The following NFATC1 variants were observed in gnomAD, a reference collection of about 807,000 sequenced individuals.
NFATC1 encodes the protein nuclear factor of activated T cells 1.
A neutral mutation model predicts 76.0 loss-of-function variants in NFATC1; 22 were observed. That is an observed-to-expected ratio of 0.29 (90% CI 0.21 to 0.41). NFATC1 has a LOEUF of 0.41. Ranked by LOEUF, NFATC1 falls within the 10% of genes least tolerant of loss-of-function variation. The pLI, the probability that NFATC1 is intolerant of heterozygous loss-of-function variation, is 1.00. For synonymous variants in NFATC1, 704 were observed against 613.1 expected (o/e 1.15, Z -2.19); for missense variants, 1,357 against 1,337.7 (o/e 1.01, Z -0.23).
intron 9 of NFATC1, among the ~76,000 whole-genome samples, chr18:79,520,640 C>CCA (rs2090507120): frequency 3.1e-5 from 1 of 32,354 alleles, no homozygotes; most frequent in Non-Finnish European, 5.2e-5. Context: ...ATGTGTGTGT[C>CCA]TGTGTGTCGG....
At chr18:79,469,604 C>A in intron 8 of NFATC1, 1 of 986,018 alleles carries the variant, frequency 1.0e-6, no homozygotes, top group Non-Finnish European at 1.2e-6. Flanking sequence ...GTGGACATCT[C>A]TCCTGCACCC....
At chr18:79,418,781 T>C (rs926117726) in intron 2 of NFATC1, among the ~76,000 whole-genome samples, 3 of 152,224 alleles carry the variant, frequency 2.0e-5, no homozygotes, top group African/African-American at 4.8e-5. Context: ...TCTGCTGTTA[T>C]GGAGTTCACA....
rs1369477489 is a variant in NFATC1, at chr18:79,486,608, C to T, written c.2453C>T (p.Pro818Leu). Reference sequence around the variant, plus strand: ...CACCCCGGCTCGCCCGGGCAGCCACCCCCGGCCCTGCTGCCACAGCAGGTG... The same window carrying T: ...CACCCCGGCTCGCCCGGGCAGCCACTCCCGGCCCTGCTGCCACAGCAGGTG... ...ATHPGSPGQP[P>L]PALLPQQVSA... Residue 818 changes from proline (P) to leucine (L), a missense_variant, in exon 9 of 10, where the codon CCC becomes CTC. Around this residue, in one of 3 missense-constraint regions of NFATC1, gnomAD observed 424 missense variants for 395.4 expected, o/e 1.07. Transcript: ENST00000427363. 3.8e-6 allele frequency: 6 copies of T among 1,595,464 alleles called. No individual in the cohort carries two copies. The highest frequency in any genetic ancestry group is 2.2e-5 in the South Asian group (2 of 90,202).
At chr18:79,450,109 G>T (rs989560254) in intron 4 of NFATC1, among the ~76,000 whole-genome samples, 5 of 152,222 alleles carry the variant, frequency 3.3e-5, no homozygotes, top group Admixed American at 1.3e-4. Context: ...ATGTGGGGCA[G>T]AAAGGGTGGC....
chr18:79,406,023 C>T (rs547049333), intron 1 of NFATC1, among the ~76,000 whole-genome samples: 69 of 152,264 alleles, frequency 4.5e-4, no homozygotes, highest in Admixed American at 1.2e-3. Context: ...TTTCCTGCCC[C>T]GTTTCATCTA....
chr18:79,476,927 G>A (rs904847747), intron 8 of NFATC1, among the ~76,000 whole-genome samples: 1 of 152,224 alleles, frequency 6.6e-6, no homozygotes, highest in Non-Finnish European at 1.5e-5. Context: ...AGAAACTCCA[G>A]TGAAGAGTCG....
At chr18:79,398,360 C>A (rs540219406) in intron 1 of NFATC1, among the ~76,000 whole-genome samples, 1 of 152,380 alleles carries the variant, frequency 6.6e-6, no homozygotes, top group East Asian at 1.9e-4. Context: ...AGGGCGCTGG[C>A]ACCCCGCTTC....
chr18:79,493,889 C>T (rs1183689788), intron 9 of NFATC1: 3 of 152,254 alleles, frequency 2.0e-5, no homozygotes, highest in African/African-American at 7.2e-5. Context: ...CACCGCACGC[C>T]ACCCGGAGAC....
At chr18:79,487,742 G>A (rs995098665) in intron 9 of NFATC1, among the ~76,000 whole-genome samples, 2 of 152,180 alleles carry the variant, frequency 1.3e-5, no homozygotes, top group East Asian at 1.9e-4. Context: ...TGATCGGGGC[G>A]TGCCCGTGGC....
At chr18:79,399,500 C>G (rs1568906146) in intron 1 of NFATC1, among the ~76,000 whole-genome samples, 1 of 152,230 alleles carries the variant, frequency 6.6e-6, no homozygotes, top group South Asian at 2.1e-4. Context: ...GCGGAGAGCC[C>G]GGGGGAAGTT....
intron 9 of NFATC1, among the ~76,000 whole-genome samples, chr18:79,520,740 GTGTC>G (rs1260371014): frequency 8.3e-5 from 7 of 84,392 alleles, no homozygotes; most frequent in Non-Finnish European, 1.6e-4. Context: ...ACTGATGTGT[GTGTC>G]TGTGTGTGTA....
intron 2 of NFATC1, 66 bp from the exon 3 acceptor site, chr18:79,433,513 G>C: frequency 6.3e-7 from 1 of 1,595,576 alleles, no homozygotes; most frequent in Admixed American, 1.7e-5. Flanking sequence ...GGGTGAGCAC[G>C]GGCACGTGTG....
In NFATC1 at chr18:79,490,678, C is replaced by T. The variant is rs139942922; in HGVS notation, c.2782+3741C>T. On this transcript the variant is annotated intron_variant, in intron 9 of 9. Transcript: ENST00000427363. ...TCACTGAGAATGACACGGGCCGAGC[C>T]GTTTCCCGCGTCCTGGGTGGATGGA... Among the ~76,000 whole-genome samples, 32 of 152,266 alleles carry T rather than the reference C, an allele frequency of 2.1e-4. No individual in the cohort carries two copies. The East Asian group carries it at 4.8e-3, about 23-fold the overall frequency.
chr18:79,512,642 C>G (rs1211232553), intron 9 of NFATC1, among the ~76,000 whole-genome samples: 2 of 152,222 alleles, frequency 1.3e-5, no homozygotes, highest in Non-Finnish European at 2.9e-5. Context: ...TCGGTGGGCC[C>G]CGTGTGCCTC....
chr18:79,467,787 G>C, intron 8 of NFATC1: 1 of 238,994 alleles, frequency 4.2e-6, no homozygotes, highest in Non-Finnish European at 5.7e-6. Flanking sequence ...ATCCCTGTTG[G>C]GGGTGGGGGG....
chr18:79,451,919 C>T lies in NFATC1; in HGVS notation c.1903+103C>T, dbSNP rs955000217. 16 of 1,413,404 alleles carry T rather than the reference C, an allele frequency of 1.1e-5. No individual in the cohort carries two copies. The African/African-American group carries it at 1.2e-4, about 10-fold the overall frequency. 87.6% of individuals were successfully genotyped at this position (1,413,404 alleles called of 1,614,324 possible). ...ACCCACCTGTGCACGGTCACCGGGA[C>T]GGGGCTTATGGGGTGTGGCACGGAG... On this transcript the variant is annotated intron_variant, in intron 6 of 9. Transcript: ENST00000427363.
At chr18:79,412,388 G>A (rs538128671) in intron 2 of NFATC1, among the ~76,000 whole-genome samples, 2 of 152,048 alleles carry the variant, frequency 1.3e-5, no homozygotes, top group South Asian at 2.1e-4. Context: ...AGAGGCGTTT[G>A]CCACGCGCAG....
At chr18:79,518,010 C>T (rs2090426003) in intron 9 of NFATC1, among the ~76,000 whole-genome samples, 1 of 152,222 alleles carries the variant, frequency 6.6e-6, no homozygotes. Context: ...AAATCCAGTT[C>T]CTAAAAACAA....
chr18:79,399,486 T>G (rs1322933899), intron 1 of NFATC1, among the ~76,000 whole-genome samples: 1 of 152,194 alleles, frequency 6.6e-6, no homozygotes, highest in Non-Finnish European at 1.5e-5. Flanking sequence ...CGGGTGTATA[T>G]GGTGCGGAGA....
Sources: allele counts gnomAD v4.1 joint callset (sites outside exome capture counted in the v4.1 genomes callset), GRCh38; gene constraint gnomAD v4.1.1; regional missense constraint gnomAD v4.1.1; transcripts MANE v1.5; gene names NCBI Gene and HGNC (gene_info 2026-07-23, HGNC 2026-07-21).